The following CTBP2 variants were observed in gnomAD, a reference collection of about 807,000 sequenced individuals.
The protein encoded by CTBP2 is C-terminal-binding protein 2.
In CTBP2, 30 loss-of-function variants were observed where a neutral mutation model predicts 80.3. The observed-to-expected ratio is 0.37, with a 90% CI of 0.28 to 0.51. CTBP2 has a LOEUF of 0.51. CTBP2 is among the 20% of genes least tolerant of loss of function. The pLI is 0.93. For synonymous variants in CTBP2, 594 were observed against 587.4 expected, an observed-to-expected ratio of 1.01 and a Z score of -0.16; for missense variants, 1,212 against 1,375.3, an observed-to-expected ratio of 0.88 and a Z score of 1.88.
intron 2 of CTBP2, among the ~76,000 whole-genome samples, chr10:125,100,344 TCACA>T (rs1434853374): frequency 6.6e-6 from 1 of 152,154 alleles, no homozygotes; most frequent in Non-Finnish European, 1.5e-5. Flanking sequence ...AAGCTCAATA[TCACA>T]CAAGTCACTT....
In CTBP2 at chr10:125,091,835, G is replaced by GA. The variant is rs200772881; in HGVS notation, c.-102+19154dup. ...CATTTGGGGAGGAGGAGTGGGTATG[G>GA]AAAAAAAAATCACCCAAAATTCTAC... On this transcript the variant is annotated intron_variant, in intron 2 of 10. Coordinates refer to the CTBP2 transcript ENST00000337195. 3.0e-4 allele frequency among the ~76,000 whole-genome samples: 46 copies of GA among 151,278 alleles called. No homozygotes were observed. The East Asian group carries it at 5.3e-3, about 17-fold the overall frequency.
chr10:125,045,951 C>G (rs1235834798), intron 2 of CTBP2, among the ~76,000 whole-genome samples: 1 of 152,106 alleles, frequency 6.6e-6, no homozygotes, highest in East Asian at 1.9e-4. Flanking sequence ...GGGCCCCACC[C>G]TCTAATTCCC....
intron 2 of CTBP2, among the ~76,000 whole-genome samples, chr10:125,049,602 G>A (rs1414396422): frequency 4.6e-5 from 7 of 152,198 alleles, no homozygotes; most frequent in Non-Finnish European, 1.0e-4. Context: ...CTTCAGCAAG[G>A]AATGAGGGCT....
intron 1 of CTBP2, among the ~76,000 whole-genome samples, chr10:125,111,610 T>C (rs1198386017): frequency 6.6e-6 from 1 of 152,230 alleles, no homozygotes; most frequent in African/African-American, 2.4e-5. Context: ...ACTACTGAAA[T>C]TGATTACTCA....
chr10:125,133,093 G>A (rs890925170), intron 1 of CTBP2, among the ~76,000 whole-genome samples: 2 of 152,154 alleles, frequency 1.3e-5, no homozygotes, highest in East Asian at 3.8e-4. Flanking sequence ...GATTGTGGGG[G>A]AAGCAGCCAG....
At chr10:125,070,736 G>A (rs1050080823) in intron 2 of CTBP2, among the ~76,000 whole-genome samples, 1 of 152,034 alleles carries the variant, frequency 6.6e-6, no homozygotes, top group Non-Finnish European at 1.5e-5. Context: ...TGTGATCTCA[G>A]CTCACTGCAG....
At chr10:125,101,651 G>C (rs1424161893) in intron 2 of CTBP2, among the ~76,000 whole-genome samples, 1 of 152,180 alleles carries the variant, frequency 6.6e-6, no homozygotes, top group Non-Finnish European at 1.5e-5. Context: ...GAACACAGCA[G>C]ACCTTCACGA....
chr10:125,017,093 G>A (rs1956571911), intron 1 of CTBP2, among the ~76,000 whole-genome samples: 1 of 152,184 alleles, frequency 6.6e-6, no homozygotes, highest in African/African-American at 2.4e-5. Flanking sequence ...AGAGGAGGTA[G>A]GAACCCCGGG....
intron 1 of CTBP2, among the ~76,000 whole-genome samples, chr10:125,157,696 G>A (rs1374056517): frequency 6.6e-6 from 1 of 152,138 alleles, no homozygotes; most frequent in Non-Finnish European, 1.5e-5. Context: ...GAAATATGCT[G>A]GCTTATTTCC....
intron 2 of CTBP2, among the ~76,000 whole-genome samples, chr10:125,082,586 CCT>C (rs201914643): frequency 3.1e-4 from 42 of 137,662 alleles, no homozygotes; most frequent in African/African-American, 1.1e-3. Context: ...TGCCAGCTTT[CCT>C]CTTTTTTTTT....
At chr10:125,057,176 G>A (rs542085394) in intron 2 of CTBP2, among the ~76,000 whole-genome samples, 3 of 152,326 alleles carry the variant, frequency 2.0e-5, no homozygotes, top group East Asian at 1.9e-4. Context: ...AGACAAAACC[G>A]ATGAAAACGA....
At chr10:125,005,780 C>A (rs775921154) in intron 1 of CTBP2, 1 of 1,612,772 alleles carries the variant, frequency 6.2e-7, no homozygotes, top group African/African-American at 1.3e-5. Flanking sequence ...AGCGCACAAC[C>A]CTGTGGGGCC....
chr10:125,152,641 G>A (rs778396101), intron 1 of CTBP2, among the ~76,000 whole-genome samples: 1 of 152,186 alleles, frequency 6.6e-6, no homozygotes, highest in African/African-American at 2.4e-5. Context: ...TTTACTTGTA[G>A]GCACTTATAT....
intron 2 of CTBP2, among the ~76,000 whole-genome samples, chr10:125,041,514 C>T (rs1478989314): frequency 8.7e-6 from 1 of 115,134 alleles, no homozygotes; most frequent in South Asian, 3.7e-4. Context: ...ACCCCCCCCC[C>T]CCCCACCCAC....
chr10:125,160,109 T>A (rs1395368624), intron 1 of CTBP2: 1 of 143,528 alleles, frequency 7.0e-6, no homozygotes, highest in Non-Finnish European at 1.5e-5. Context: ...CGAGCCAGCG[T>A]CCACCCCCGG....
chr10:125,071,003 C>T (rs1256944059), intron 2 of CTBP2, among the ~76,000 whole-genome samples: 2 of 152,260 alleles, frequency 1.3e-5, no homozygotes, highest in Non-Finnish European at 2.9e-5. Flanking sequence ...ACACTGCATT[C>T]CTGCAAAGAC....
chr10:125,018,612 T>C (rs1192998834), intron 1 of CTBP2, among the ~76,000 whole-genome samples: 1 of 152,140 alleles, frequency 6.6e-6, no homozygotes, highest in Non-Finnish European at 1.5e-5. Context: ...CAATTACTAA[T>C]ATTTACTGAA....
At chr10:125,112,797 T>A (rs117364178) in intron 1 of CTBP2, among the ~76,000 whole-genome samples, 1 of 152,222 alleles carries the variant, frequency 6.6e-6, no homozygotes. Context: ...CCTCTTTTAA[T>A]GGGGCTTTTA....
In CTBP2 at chr10:125,065,168, G is replaced by A. The variant is rs1171421284; in HGVS notation, c.-101-26013C>T. ...AACTGTGGTTGCGGAGGGGCTGCTT[G>A]ACAGACTGTTCTTTGACTGGGCTCT... On this transcript the variant is annotated intron_variant, in intron 2 of 10. Transcript: ENST00000337195. Among the ~76,000 whole-genome samples the A allele has an allele frequency of 2.0e-5, 3 of 152,180 alleles. No homozygotes were observed. The East Asian group carries it at 5.8e-4, about 29-fold the overall frequency.
Sources: allele counts gnomAD v4.1 joint callset (sites outside exome capture counted in the v4.1 genomes callset), GRCh38; gene constraint gnomAD v4.1.1; transcripts MANE v1.5; gene names NCBI Gene and HGNC (gene_info 2026-07-23, HGNC 2026-07-21).